The following FAF1 variants were observed in gnomAD, a reference collection of about 807,000 sequenced individuals.
FAF1 encodes the protein Fas associated factor 1, also known as FAS-associated factor 1.
FAF1 carries 25 observed loss-of-function variants against 92.5 expected under a neutral mutation model. That is an observed-to-expected ratio of 0.27 (90% CI 0.20 to 0.38). The LOEUF (loss-of-function observed/expected upper bound fraction) is 0.38, where lower values mean the gene tolerates loss of function less well. Ranked by LOEUF, FAF1 falls within the 10% of genes least tolerant of loss-of-function variation. The pLI is 1.00. For missense variants in FAF1, 636 were observed against 793.3 expected, an observed-to-expected ratio of 0.80 and a Z score of 2.38; for synonymous variants, 234 against 273.2, an observed-to-expected ratio of 0.86 and a Z score of 1.42.
intron 1 of FAF1, among the ~76,000 whole-genome samples, chr1:50,865,108 C>T (rs557661194): frequency 0.014 from 2,085 of 152,308 alleles, 23 homozygotes; most frequent in Middle Eastern, 0.02. Flanking sequence ...CACTGGCCAT[C>T]AGAGAAATGC....
intron 4 of FAF1, among the ~76,000 whole-genome samples, chr1:50,756,421 C>T (rs1177818129): frequency 6.6e-6 from 1 of 152,210 alleles, no homozygotes; most frequent in Non-Finnish European, 1.5e-5. Context: ...GTCCATATCG[C>T]TATCAGCATT....
chr1:50,834,406 T>A (rs1263160668), intron 2 of FAF1, among the ~76,000 whole-genome samples: 1 of 152,194 alleles, frequency 6.6e-6, no homozygotes, highest in Non-Finnish European at 1.5e-5. Flanking sequence ...ACTACCAACA[T>A]GTCATCTCTC....
chr1:50,779,616 A>C (rs897033508), intron 4 of FAF1, among the ~76,000 whole-genome samples: 1 of 151,566 alleles, frequency 6.6e-6, no homozygotes, highest in Non-Finnish European at 1.5e-5. Context: ...TATGTAAATG[A>C]ATACAAAATT....
intron 17 of FAF1, among the ~76,000 whole-genome samples, chr1:50,490,237 G>A (rs1253199707): frequency 1.3e-5 from 2 of 152,052 alleles, no homozygotes; most frequent in Non-Finnish European, 2.9e-5. Flanking sequence ...GTGTGCACCT[G>A]TCAACCCAGC....
At chr1:50,818,691 T>G (rs1254767846) in intron 2 of FAF1, among the ~76,000 whole-genome samples, 1 of 152,118 alleles carries the variant, frequency 6.6e-6, no homozygotes. Context: ...TCATTTTGGA[T>G]TTTGGATTTT....
chr1:50,508,618 G>A lies in FAF1; in HGVS notation c.1495-16817C>T, dbSNP rs1647090176. ...GAGAGTGACTGCCTAATGGGTAGGG[G>A]GGTGATAAAAATGTTTTGGAACTAG... On this transcript the variant is annotated intron_variant, in intron 15 of 18. Coordinates refer to ENST00000396153, the MANE Select transcript of FAF1 (RefSeq NM_007051.3). Among the ~76,000 whole-genome samples the A allele has an allele frequency of 1.3e-5, 2 of 152,160 alleles. 1 individual carries two copies. The highest frequency in any genetic ancestry group is 4.1e-4 in the South Asian group (2 of 4,830).
intron 7 of FAF1, among the ~76,000 whole-genome samples, chr1:50,679,072 G>A (rs1656305528): frequency 6.6e-6 from 1 of 152,202 alleles, no homozygotes; most frequent in South Asian, 2.1e-4. Flanking sequence ...GGGTGACAGA[G>A]CGAGACTCCG....
chr1:50,830,731 C>T (rs1418684537), intron 2 of FAF1, among the ~76,000 whole-genome samples: 1 of 149,674 alleles, frequency 6.7e-6, no homozygotes, highest in African/African-American at 2.5e-5. Flanking sequence ...ACATTTAAAA[C>T]TTTACTGAAG....
Position 50,846,327 on chromosome 1 carries a change from G to A in FAF1, c.114+11602C>T, listed in dbSNP as rs573181868. The A allele has an allele frequency of 3.6e-4, 100 of 278,948 alleles. 1 individual carries two copies. The highest frequency in any genetic ancestry group is 3.3e-3 in the South Asian group (100 of 30,344). The allele number at this position is 278,948 out of a possible 1,614,324, so 17.3% of individuals were successfully genotyped here. On this transcript the variant is annotated intron_variant, in intron 2 of 18. Transcript: ENST00000396153. ...CAGACTCATGCATGAGGGGGCCCAGGCTCATGCAGCTGAAGCATGCTTTTG... is the reference window on the plus strand; with the variant it reads ...CAGACTCATGCATGAGGGGGCCCAGACTCATGCAGCTGAAGCATGCTTTTG...
At chr1:50,835,124 A>C (rs1644188857) in intron 2 of FAF1, among the ~76,000 whole-genome samples, 1 of 152,216 alleles carries the variant, frequency 6.6e-6, no homozygotes, top group South Asian at 2.1e-4. Context: ...AGAAGGCAAG[A>C]ACTGGATTAT....
At chr1:50,859,051 A>G (rs1259908834) in intron 1 of FAF1, among the ~76,000 whole-genome samples, 1 of 151,958 alleles carries the variant, frequency 6.6e-6, no homozygotes, top group Admixed American at 6.6e-5. Context: ...AGATGCGGAA[A>G]AAGTTTTCAA....
intron 4 of FAF1, among the ~76,000 whole-genome samples, chr1:50,785,489 CAA>C (rs895121709): frequency 6.6e-6 from 1 of 151,468 alleles, no homozygotes; most frequent in African/African-American, 2.4e-5. Context: ...GACATTTCTC[CAA>C]AAAAGACATA....
chr1:50,912,202 G>A (rs912910223), intron 1 of FAF1, among the ~76,000 whole-genome samples: 6 of 152,182 alleles, frequency 3.9e-5, no homozygotes, highest in Non-Finnish European at 5.9e-5. Context: ...CACTATTACA[G>A]AAAGCACAGG....
intron 1 of FAF1, among the ~76,000 whole-genome samples, chr1:50,865,647 A>G (rs1317734899): frequency 3.7e-4 from 46 of 125,108 alleles, no homozygotes; most frequent in Non-Finnish European, 6.4e-4. Context: ...ATGAGAACAC[A>G]TGGACACAGG....
At chr1:50,479,191 T>A (rs1231727430) in intron 17 of FAF1, among the ~76,000 whole-genome samples, 1 of 152,216 alleles carries the variant, frequency 6.6e-6, no homozygotes, top group African/African-American at 2.4e-5. Flanking sequence ...GCCGATAACA[T>A]CTTCCTCACA....
chr1:50,843,028 T>C (rs1306048653), intron 2 of FAF1, among the ~76,000 whole-genome samples: 1 of 152,186 alleles, frequency 6.6e-6, no homozygotes, highest in Non-Finnish European at 1.5e-5. Context: ...AATAAGAGAA[T>C]GAGATAAATT....
At chr1:50,566,960 G>T in intron 13 of FAF1, 117 bp downstream of exon 13, 1 of 699,592 alleles carries the variant, frequency 1.4e-6, no homozygotes, top group Non-Finnish European at 2.2e-6. Context: ...TTTGTCTAAT[G>T]AAATGCAATG....
intron 5 of FAF1, among the ~76,000 whole-genome samples, chr1:50,739,455 T>C (rs1659299631): frequency 6.6e-6 from 1 of 152,118 alleles, no homozygotes. Context: ...TATACACACA[T>C]ACACATATAT....
At chr1:50,767,413 T>G (rs1660616191) in intron 4 of FAF1, among the ~76,000 whole-genome samples, 1 of 152,092 alleles carries the variant, frequency 6.6e-6, no homozygotes, top group Non-Finnish European at 1.5e-5. Flanking sequence ...TCGCGAAAAT[T>G]TCCCCAGCCT....
Sources: gnomAD v4.1 joint callset for allele counts (sites outside exome capture counted in the v4.1 genomes callset) on GRCh38, gnomAD v4.1.1 for gene constraint, MANE v1.5 for transcripts, NCBI Gene and HGNC (gene_info 2026-07-23, HGNC 2026-07-21) for gene names.